TICAM2: variants seen among roughly 807,000 people sequenced by gnomAD.
The protein encoded by TICAM2 is TIR domain-containing adapter molecule 2.
In TICAM2, 8 loss-of-function variants were observed where a neutral mutation model predicts 7.3. That is an observed-to-expected ratio of 1.10 (90% CI 0.65 to 1.99). The LOEUF (loss-of-function observed/expected upper bound fraction) is 1.99, where lower values mean the gene tolerates loss of function less well. TICAM2 is among the 30% of genes most tolerant of loss of function. The pLI, the probability that TICAM2 is intolerant of heterozygous loss-of-function variation, is 0.00. For synonymous variants in TICAM2, 113 were observed against 99.6 expected (o/e 1.13, Z -0.80); for missense variants, 304 against 278.8 (o/e 1.09, Z -0.65).
chr5:115,594,173 TCTA>T (rs1393565605), intron 1 of TICAM2, among the ~76,000 whole-genome samples: 1 of 152,242 alleles, frequency 6.6e-6, no homozygotes, highest in Non-Finnish European at 1.5e-5. Context: ...TGTAACATTA[TCTA>T]CTTACTTAAT....
intron 1 of TICAM2, among the ~76,000 whole-genome samples, chr5:115,598,852 G>T (rs1007782666): frequency 6.6e-6 from 1 of 151,992 alleles, no homozygotes; most frequent in Non-Finnish European, 1.5e-5. Flanking sequence ...TGAGAAATAA[G>T]GATTATAAAT....
intron 1 of TICAM2, among the ~76,000 whole-genome samples, chr5:115,585,889 T>C (rs1195563662): frequency 6.6e-6 from 1 of 152,168 alleles, no homozygotes; most frequent in African/African-American, 2.4e-5. Context: ...TAGGAGTCTG[T>C]TGCAGAAACC....
intron 1 of TICAM2, among the ~76,000 whole-genome samples, chr5:115,593,819 CA>C (rs1561577566): frequency 6.6e-6 from 1 of 152,078 alleles, no homozygotes; most frequent in Non-Finnish European, 1.5e-5. Context: ...AAATGTTAGA[CA>C]AATTGCTAAA....
At position 115,580,765 on chromosome 5, in the gene TICAM2, C is replaced by A; in HGVS notation, c.492G>T (p.Gln164His). The change falls in exon 2 of 2, where the codon CAG becomes CAT. Residue 164 changes from glutamine (Q) to histidine (H), a missense_variant. Gln to His is a conservative substitution (Grantham distance 24, BLOSUM62 0). Coordinates refer to ENST00000427199, the MANE Select transcript of TICAM2 (RefSeq NM_021649.7). ...TGGGTATAACAGAGTTGTATTTATG[C>A]TGCCTGTTAACGGAGTTCATTAGGG... ...YTSLMNSVNRQHKYNSVIPMR... is the reference protein window; with the variant it reads ...YTSLMNSVNRHHKYNSVIPMR... 6.3e-7 allele frequency: 1 copy of A among 1,597,972 alleles called. No individual in the cohort carries two copies. The highest frequency in any genetic ancestry group is 1.1e-5 in the South Asian group (1 of 88,300).
intron 1 of TICAM2, among the ~76,000 whole-genome samples, chr5:115,586,220 T>C (rs1360788927): frequency 6.6e-6 from 1 of 152,210 alleles, no homozygotes; most frequent in Non-Finnish European, 1.5e-5. Flanking sequence ...GTGGAGTTAT[T>C]GTTGTCATTA....
At chr5:115,596,604 C>T (rs1377817433) in intron 1 of TICAM2, among the ~76,000 whole-genome samples, 1 of 152,150 alleles carries the variant, frequency 6.6e-6, no homozygotes, top group African/African-American at 2.4e-5. Flanking sequence ...GTAACCAGAA[C>T]TATCATAAAA....
At chr5:115,582,314 C>A (rs1023549950) in intron 1 of TICAM2, among the ~76,000 whole-genome samples, 1 of 150,798 alleles carries the variant, frequency 6.6e-6, no homozygotes, top group African/African-American at 2.4e-5. Context: ...ATGCCACACA[C>A]CTGGCTAATT....
intron 1 of TICAM2, among the ~76,000 whole-genome samples, chr5:115,586,418 GAAAA>G (rs3072127): frequency 5.2e-5 from 7 of 133,400 alleles, no homozygotes; most frequent in African/African-American, 1.4e-4. Flanking sequence ...TAGAGTGTTG[GAAAA>G]AAAAAAAAAA....
intron 1 of TICAM2, among the ~76,000 whole-genome samples, chr5:115,588,581 T>A (rs1312047868): frequency 6.6e-6 from 1 of 152,228 alleles, no homozygotes; most frequent in Non-Finnish European, 1.5e-5. Flanking sequence ...TGCTGCAGTA[T>A]CTGCTAAAGA....
At chr5:115,594,073 T>TC (rs1561577650) in intron 1 of TICAM2, among the ~76,000 whole-genome samples, 1 of 152,232 alleles carries the variant, frequency 6.6e-6, no homozygotes, top group East Asian at 1.9e-4. Context: ...TCATGCTTGG[T>TC]CCTTTTCTCT....
intron 1 of TICAM2, among the ~76,000 whole-genome samples, chr5:115,582,196 G>A (rs1356661817): frequency 6.6e-6 from 1 of 151,794 alleles, no homozygotes; most frequent in Non-Finnish European, 1.5e-5. Context: ...TGGCTCTGTT[G>A]CCCAGGATGG....
Position 115,580,391 on chromosome 5 carries a change from A to T in TICAM2, c.*158T>A. 1 of 962,140 alleles carries T rather than the reference A, an allele frequency of 1.0e-6. No homozygotes were observed. The highest frequency in any genetic ancestry group is 1.4e-6 in the Non-Finnish European group (1 of 714,318). The allele number at this position is 962,140 out of a possible 1,614,324, so 59.6% of individuals were successfully genotyped here. ...ACATCAAAAAGTACCACAATTTTAT[A>T]GGCTGTCCTGCAGAAATTTATCTTT... On this transcript the variant is annotated 3_prime_UTR_variant, in exon 2 of 2. Coordinates refer to ENST00000427199, the MANE Select transcript of TICAM2 (RefSeq NM_021649.7).
At chr5:115,586,660 T>C (rs957080087) in intron 1 of TICAM2, among the ~76,000 whole-genome samples, 1 of 152,230 alleles carries the variant, frequency 6.6e-6, no homozygotes, top group African/African-American at 2.4e-5. Flanking sequence ...AAATTTCACC[T>C]AGTACTGAAT....
chr5:115,592,765 A>G (rs1197603059), intron 1 of TICAM2, among the ~76,000 whole-genome samples: 1 of 152,212 alleles, frequency 6.6e-6, no homozygotes, highest in Admixed American at 6.5e-5. Context: ...TGTTAGAAAA[A>G]TGGATCCTTT....
intron 1 of TICAM2, among the ~76,000 whole-genome samples, chr5:115,587,492 G>A (rs1302293620): frequency 4.6e-5 from 7 of 152,152 alleles, no homozygotes; most frequent in Admixed American, 4.6e-4. Context: ...GAAGATGCTA[G>A]ACTGGGAGAA....
At chr5:115,587,351 T>G (rs1219085060) in intron 1 of TICAM2, among the ~76,000 whole-genome samples, 1 of 152,124 alleles carries the variant, frequency 6.6e-6, no homozygotes, top group Non-Finnish European at 1.5e-5. Flanking sequence ...AGTTGTACCT[T>G]TTAGAGAGAA....
At chr5:115,586,455 A>T (rs1316807192) in intron 1 of TICAM2, among the ~76,000 whole-genome samples, 1 of 151,826 alleles carries the variant, frequency 6.6e-6, no homozygotes, top group Non-Finnish European at 1.5e-5. Flanking sequence ...AAGAACTAGC[A>T]AAGGAGGCAG....
intron 1 of TICAM2, among the ~76,000 whole-genome samples, chr5:115,583,368 G>C (rs1361387544): frequency 1.3e-5 from 2 of 152,176 alleles, no homozygotes; most frequent in Non-Finnish European, 2.9e-5. Flanking sequence ...TCTAGGGTAA[G>C]ATAGTGTGTC....
chr5:115,586,481 T>G (rs1755111339), intron 1 of TICAM2, among the ~76,000 whole-genome samples: 3 of 145,730 alleles, frequency 2.1e-5, no homozygotes, highest in Non-Finnish European at 3.0e-5. Context: ...GACTAGTCAG[T>G]AAGGTTGATG....
Sources: gnomAD v4.1 joint callset for allele counts (sites outside exome capture counted in the v4.1 genomes callset) on GRCh38, gnomAD v4.1.1 for gene constraint, MANE v1.5 for transcripts, NCBI Gene and HGNC (gene_info 2026-07-23, HGNC 2026-07-21) for gene names.